The following FGGY variants were observed in gnomAD, a reference collection of about 807,000 sequenced individuals.
FGGY encodes FGGY carbohydrate kinase domain-containing protein.
In FGGY, 72 loss-of-function variants were observed where a neutral mutation model predicts 71.3. The ratio of observed to expected loss-of-function variants is 1.01; its 90% confidence interval spans 0.84 to 1.23. The LOEUF (loss-of-function observed/expected upper bound fraction) is 1.23, where lower values mean the gene tolerates loss of function less well. Among genes scored for constraint, FGGY ranks in the 50% most tolerant of loss-of-function variants. The pLI, the probability that FGGY is intolerant of heterozygous loss-of-function variation, is 0.00. For missense variants in FGGY, 668 were observed against 682.3 expected, an observed-to-expected ratio of 0.98 and a Z score of 0.23; for synonymous variants, 251 against 250.3, an observed-to-expected ratio of 1.00 and a Z score of -0.02.
chr1:59,588,090 A>G (rs1258934681), intron 8 of FGGY, among the ~76,000 whole-genome samples: 2 of 152,224 alleles, frequency 1.3e-5, no homozygotes, highest in Non-Finnish European at 2.9e-5. Context: ...AATACAAAGA[A>G]GTGCTTAAAG....
intron 10 of FGGY, 92 bp from the exon 11 acceptor site, chr1:59,638,136 T>C: frequency 1.5e-6 from 2 of 1,316,956 alleles, no homozygotes; most frequent in Non-Finnish European, 2.1e-6. Flanking sequence ...CTTACTTTCC[T>C]GGATCTGGAA....
intron 1 of FGGY, among the ~76,000 whole-genome samples, chr1:59,313,925 G>A (rs1350451952): frequency 2.0e-5 from 3 of 151,604 alleles, no homozygotes; most frequent in Non-Finnish European, 4.4e-5. Flanking sequence ...TCATGTAACC[G>A]AACACCACCT....
intron 9 of FGGY, 28 bp downstream of exon 9, chr1:59,607,938 A>G (rs752867937): frequency 2.6e-6 from 4 of 1,568,426 alleles, no homozygotes; most frequent in Non-Finnish European, 3.5e-6. Flanking sequence ...CAATAGGGTC[A>G]TGGATGTTTT....
chr1:59,620,147 A>G (rs984787229), intron 9 of FGGY, among the ~76,000 whole-genome samples: 1 of 151,772 alleles, frequency 6.6e-6, no homozygotes, highest in Non-Finnish European at 1.5e-5. Flanking sequence ...CCCAAAGTTG[A>G]CCCTCCATTA....
At chr1:59,433,508 G>A (rs940428818) in intron 5 of FGGY, among the ~76,000 whole-genome samples, 2 of 152,124 alleles carry the variant, frequency 1.3e-5, no homozygotes, top group African/African-American at 4.8e-5. Context: ...CCTTCACGGG[G>A]AATACCAGAG....
chr1:59,714,515 G>A (rs1173185132), intron 14 of FGGY, among the ~76,000 whole-genome samples: 1 of 152,224 alleles, frequency 6.6e-6, no homozygotes, highest in Non-Finnish European at 1.5e-5. Context: ...AGACAGACAT[G>A]TGGTGTCTTT....
At position 59,507,684 on chromosome 1, in the gene FGGY, A is replaced by ATTTTTT. The variant is rs561953004; in HGVS notation, c.671-4609_671-4604dup. On this transcript the variant is annotated intron_variant, in intron 6 of 15. Coordinates refer to ENST00000303721, the MANE Select transcript of FGGY (RefSeq NM_018291.5). ...AGGCAACTGCAACCATGCTTGGCTA[A>ATTTTTT]TTTTTTTTTTTTTTTTTTTTTTTGT... Among the ~76,000 whole-genome samples, 890 of 106,838 alleles carry ATTTTTT rather than the reference A, an allele frequency of 8.3e-3. 29 individuals are homozygous for ATTTTTT. Among genetic ancestry groups the ATTTTTT allele is most frequent in the African/African-American group, 0.031 (768 of 24,538 alleles). The allele number at this position is 106,838 out of a possible 152,430, so 70.1% of individuals were successfully genotyped here.
chr1:59,346,826 T>G (rs2052033370), intron 4 of FGGY, among the ~76,000 whole-genome samples: 1 of 152,132 alleles, frequency 6.6e-6, no homozygotes, highest in Non-Finnish European at 1.5e-5. Context: ...ATGTTTCTTT[T>G]GTAGAGACTT....
intron 6 of FGGY, among the ~76,000 whole-genome samples, chr1:59,491,628 A>G (rs953326097): frequency 2.6e-5 from 4 of 151,052 alleles, no homozygotes; most frequent in African/African-American, 7.3e-5. Context: ...AGGTTTCTCT[A>G]TATATGTGAC....
At chr1:59,473,003 T>C (rs1435358026) in intron 6 of FGGY, among the ~76,000 whole-genome samples, 3 of 152,134 alleles carry the variant, frequency 2.0e-5, no homozygotes, top group Admixed American at 6.5e-5. Context: ...AACAGACCAC[T>C]CGGCTCTACC....
At chr1:59,421,310 A>G (rs927306527) in intron 5 of FGGY, among the ~76,000 whole-genome samples, 1 of 152,318 alleles carries the variant, frequency 6.6e-6, no homozygotes, top group East Asian at 1.9e-4. Flanking sequence ...GATATTAAGG[A>G]ATTATTCTTT....
At chr1:59,499,392 A>G (rs772919469) in intron 6 of FGGY, among the ~76,000 whole-genome samples, 66 of 144,196 alleles carry the variant, frequency 4.6e-4, no homozygotes, top group African/African-American at 1.6e-3. Context: ...GGACAAAGGG[A>G]TGATTCACAT....
At chr1:59,326,766 C>T (rs1317043270) in intron 2 of FGGY, among the ~76,000 whole-genome samples, 2 of 151,744 alleles carry the variant, frequency 1.3e-5, no homozygotes, top group Non-Finnish European at 2.9e-5. Flanking sequence ...CACTCTTTTG[C>T]TACAGCCCTT....
Position 59,351,553 on chromosome 1 carries a change from C to G in FGGY, c.465+5155C>G, listed in dbSNP as rs2053298445. Among the ~76,000 whole-genome samples the G allele has an allele frequency of 2.6e-5, 4 of 152,150 alleles. No homozygotes were observed. In the South Asian group the frequency reaches 8.3e-4, roughly 32 times the overall value. ...GCAGGAGGATAGAGATCATATCCAC[C>G]TCGTTCTTTGCTATGTCTTGGTCCT... is the stretch of plus-strand genomic sequence containing the variant. On this transcript the variant is annotated intron_variant, in intron 4 of 15. Transcript: ENST00000303721.
chr1:59,618,723 C>T (rs890574235), intron 9 of FGGY, among the ~76,000 whole-genome samples: 1 of 151,946 alleles, frequency 6.6e-6, no homozygotes, highest in Admixed American at 6.6e-5. Flanking sequence ...GAGAATGAGA[C>T]TTAGACTGGG....
At chr1:59,567,205 T>A (rs1038445445) in intron 8 of FGGY, among the ~76,000 whole-genome samples, 1 of 152,160 alleles carries the variant, frequency 6.6e-6, no homozygotes, top group African/African-American at 2.4e-5. Flanking sequence ...TTAGGTTCTT[T>A]CCTTGATTAA....
rs2098231241 is a variant in FGGY, at chr1:59,749,922, C to A, written c.1513-8009C>A. Among the ~76,000 whole-genome samples the A allele has an allele frequency of 2.6e-5, 4 of 152,174 alleles. No homozygotes were observed. In the South Asian group the frequency reaches 8.3e-4, roughly 32 times the overall value. On this transcript the variant is annotated intron_variant, in intron 14 of 15. Coordinates refer to ENST00000303721, the MANE Select transcript of FGGY (RefSeq NM_018291.5). ...TGTTATAGTCAGTCTGTATTTTAAT[C>A]ACTGCCCTTTATTTTCTCTGCTTCT... is the stretch of plus-strand genomic sequence containing the variant.
chr1:59,403,969 C>T lies in FGGY; in HGVS notation c.554+25132C>T, dbSNP rs572935561. ...GTAAAGCACTTCAAACAGTGTCTGG[C>T]ACATCAGTTGTTATTAATAATAATT... On this transcript the variant is annotated intron_variant, in intron 5 of 15. Coordinates refer to ENST00000303721, the MANE Select transcript of FGGY (RefSeq NM_018291.5). 3.3e-5 allele frequency among the ~76,000 whole-genome samples: 5 copies of T among 152,214 alleles called. No homozygotes were observed. The East Asian group carries it at 9.7e-4, about 29-fold the overall frequency.
intron 4 of FGGY, among the ~76,000 whole-genome samples, chr1:59,366,184 G>T (rs919202046): frequency 6.6e-6 from 1 of 152,140 alleles, no homozygotes; most frequent in African/African-American, 2.4e-5. Context: ...GCCCTTCAGG[G>T]GGAGGAAAGT....
Sources: gnomAD v4.1 joint callset for allele counts (sites outside exome capture counted in the v4.1 genomes callset) on GRCh38, gnomAD v4.1.1 for gene constraint, MANE v1.5 for transcripts, NCBI Gene and HGNC (gene_info 2026-07-23, HGNC 2026-07-21) for gene names.